TNFRSF10B: variants seen among roughly 807,000 people sequenced by gnomAD.
TNFRSF10B encodes the protein TNF receptor superfamily member 10b.
A neutral mutation model predicts 41.4 loss-of-function variants in TNFRSF10B; 35 were observed. The ratio of observed to expected loss-of-function variants is 0.85; its 90% CI spans 0.65 to 1.12. The LOEUF (loss-of-function observed/expected upper bound fraction) is 1.12, where lower values mean the gene tolerates loss of function less well. Among genes scored for constraint, TNFRSF10B ranks in the 50% most tolerant of loss-of-function variants. The pLI, the probability that TNFRSF10B is intolerant of heterozygous loss-of-function variation, is 0.00. For missense variants in TNFRSF10B, 584 were observed against 552.7 expected (o/e 1.06, Z -0.57); for synonymous variants, 230 against 215.5 (o/e 1.07, Z -0.59).
chr8:23,029,855 G>T, intron 3 of TNFRSF10B, 134 bp from the exon 4 acceptor site: 1 of 791,106 alleles, frequency 1.3e-6, no homozygotes. Context: ...TTCTGCACCA[G>T]CACACTCATG....
At chr8:23,044,725 T>G (rs186338137) in intron 1 of TNFRSF10B, among the ~76,000 whole-genome samples, 82 of 150,744 alleles carry the variant, frequency 5.4e-4, no homozygotes, top group Non-Finnish European at 4.4e-5. Flanking sequence ...CTCAAGGAAA[T>G]AGAAGAAAAG....
At chr8:23,031,288 G>A (rs2128812575) in intron 2 of TNFRSF10B, among the ~76,000 whole-genome samples, 1 of 152,230 alleles carries the variant, frequency 6.6e-6, no homozygotes, top group Admixed American at 6.5e-5. Context: ...GTATTGGCCA[G>A]GCTAGTCTCG....
At chr8:23,065,979 AAAC>A in intron 1 of TNFRSF10B, among the ~76,000 whole-genome samples, 1 of 152,160 alleles carries the variant, frequency 6.6e-6, no homozygotes, top group Non-Finnish European at 1.5e-5. Flanking sequence ...GAAAAACAAA[AAAC>A]ACCACCACCA....
intron 1 of TNFRSF10B, among the ~76,000 whole-genome samples, chr8:23,050,412 G>A (rs13269530): frequency 0.24 from 36,624 of 152,000 alleles, 4,634 homozygotes; most frequent in Non-Finnish European, 0.25. Context: ...TCAATGATTG[G>A]GAGTCAGCTT....
rs1372393490 is a variant in TNFRSF10B, at chr8:23,020,417, C to T, written c.*2254G>A. The T allele has an allele frequency of 2.2e-6, 1 of 454,120 alleles. No individual in the cohort carries two copies. The highest frequency in any genetic ancestry group is 1.6e-5 in the South Asian group (1 of 64,476). 28.1% of individuals were successfully genotyped at this position (454,120 alleles called of 1,614,324 possible). ...AGCTTACTTTAAAAGAATAGCTTGG[C>T]CTGGCTGGTGGCTCACGCCTGTAAT... On this transcript the variant is annotated 3_prime_UTR_variant, in exon 9 of 9. Coordinates refer to ENST00000276431, the MANE Select transcript of TNFRSF10B (RefSeq NM_003842.5).
chr8:23,023,623 G>A (rs1017221337), intron 8 of TNFRSF10B, among the ~76,000 whole-genome samples: 4 of 152,180 alleles, frequency 2.6e-5, no homozygotes, highest in Middle Eastern at 3.2e-3. Context: ...TCAGGAACAC[G>A]AGGCTATGTT....
chr8:23,048,333 G>C (rs549868508), intron 1 of TNFRSF10B, among the ~76,000 whole-genome samples: 1 of 151,928 alleles, frequency 6.6e-6, no homozygotes, highest in Non-Finnish European at 1.5e-5. Context: ...CTACTCAGGA[G>C]GCTAAGGCAG....
intron 1 of TNFRSF10B, among the ~76,000 whole-genome samples, chr8:23,057,244 A>G (rs1812696043): frequency 6.6e-6 from 1 of 151,192 alleles, no homozygotes; most frequent in Admixed American, 6.6e-5. Flanking sequence ...ATGGGGTTTC[A>G]CTGTGTTAGC....
At position 23,068,801 on chromosome 8, in the gene TNFRSF10B, G is replaced by A. The variant is rs755948401; in HGVS notation, c.94C>T (p.Pro32Ser). Reference sequence around the variant, plus strand: ...AGCACAAGGGTCTTGGGGACCCGGGGCCCAGGCCTGGCTCCCCGCGCCTCC... The same window carrying A: ...AGCACAAGGGTCTTGGGGACCCGGGACCCAGGCCTGGCTCCCCGCGCCTCC... ...PREARGARPG[P>S]RVPKTLVLVV... Residue 32 changes from proline to serine, a missense_variant, in exon 1 of 9, where the codon CCC becomes TCC. Coordinates refer to ENST00000276431, the MANE Select transcript of TNFRSF10B (RefSeq NM_003842.5). 3 of 1,610,364 alleles carry A rather than the reference G, an allele frequency of 1.9e-6. No homozygotes were observed. Among genetic ancestry groups the A allele is most frequent in the South Asian group, 1.1e-5 (1 of 90,714 alleles).
intron 7 of TNFRSF10B, among the ~76,000 whole-genome samples, chr8:23,026,650 T>C (rs540600302): frequency 5.9e-5 from 9 of 152,202 alleles, no homozygotes; most frequent in Non-Finnish European, 1.2e-4. Flanking sequence ...AACTGATGGA[T>C]TGATATGAAC....
At chr8:23,060,687 G>A (rs1812807337) in intron 1 of TNFRSF10B, among the ~76,000 whole-genome samples, 1 of 152,104 alleles carries the variant, frequency 6.6e-6, no homozygotes, top group South Asian at 2.1e-4. Flanking sequence ...ATGTCCTTGG[G>A]ATTTTGATAG....
Position 23,024,274 on chromosome 8 carries a change from T to TG in TNFRSF10B, c.937-15dup. Reference sequence around the variant, plus strand: ...TTCTGCCGGTTCCTGTAACACATAGTGGGGAATGTCCTGGTCAGAGCCAGG... The same window carrying TG: ...TTCTGCCGGTTCCTGTAACACATAGTGGGGGAATGTCCTGGTCAGAGCCAGG... On this transcript the variant is annotated splice_polypyrimidine_tract_variant and intron_variant, in intron 7 of 8. Transcript: ENST00000276431. The TG allele has an allele frequency of 6.2e-7, 1 of 1,613,908 alleles. No individual in the cohort carries two copies. Among genetic ancestry groups the TG allele is most frequent in the Non-Finnish European group, 8.5e-7 (1 of 1,179,902 alleles).
At chr8:23,029,308 T>A (rs1262389168) in intron 4 of TNFRSF10B, among the ~76,000 whole-genome samples, 1 of 152,218 alleles carries the variant, frequency 6.6e-6, no homozygotes, top group African/African-American at 2.4e-5. Context: ...TTCTACTCAT[T>A]CTTCTTATTT....
chr8:23,052,445 C>T (rs1177968723), intron 1 of TNFRSF10B, among the ~76,000 whole-genome samples: 1 of 152,090 alleles, frequency 6.6e-6, no homozygotes, highest in African/African-American at 2.4e-5. Flanking sequence ...ACCACCACGC[C>T]TGGCTAATTT....
intron 2 of TNFRSF10B, among the ~76,000 whole-genome samples, chr8:23,041,603 TAAAAAA>T (rs199893473): frequency 1.6e-5 from 2 of 121,238 alleles, no homozygotes; most frequent in African/African-American, 6.2e-5. Context: ...CTCAATGATT[TAAAAAA>T]AAAAAAAAAA....
chr8:23,056,081 T>A (rs970886146), intron 1 of TNFRSF10B, among the ~76,000 whole-genome samples: 6 of 152,136 alleles, frequency 3.9e-5, no homozygotes, highest in African/African-American at 1.2e-4. Flanking sequence ...GACCCTCAGT[T>A]TGGTCCAGGA....
At chr8:23,063,148 G>A (rs775801345) in intron 1 of TNFRSF10B, among the ~76,000 whole-genome samples, 1 of 152,098 alleles carries the variant, frequency 6.6e-6, no homozygotes, top group Non-Finnish European at 1.5e-5. Flanking sequence ...AGTAGTTTGA[G>A]ACTGGCCTGG....
At chr8:23,067,445 T>TAA (rs34205181) in intron 1 of TNFRSF10B, among the ~76,000 whole-genome samples, 101 of 147,784 alleles carry the variant, frequency 6.8e-4, no homozygotes, top group Non-Finnish European at 1.0e-3. Context: ...TTTATAGAGA[T>TAA]AAAAAAAAAA....
chr8:23,055,907 A>T (rs926418771), intron 1 of TNFRSF10B, among the ~76,000 whole-genome samples: 1 of 152,216 alleles, frequency 6.6e-6, no homozygotes, highest in East Asian at 1.9e-4. Flanking sequence ...ACTTACATGT[A>T]GACATATAGG....
Sources: allele counts gnomAD v4.1 joint callset (sites outside exome capture counted in the v4.1 genomes callset), GRCh38; gene constraint gnomAD v4.1.1; transcripts MANE v1.5; gene names NCBI Gene and HGNC (gene_info 2026-07-23, HGNC 2026-07-21).